Variants in CPA6 observed in about 807,000 individuals in gnomAD.
CPA6 encodes the protein carboxypeptidase A6.
In CPA6, 58 loss-of-function variants were observed where a neutral mutation model predicts 63.3. The ratio of observed to expected loss-of-function variants is 0.92; its 90% CI spans 0.74 to 1.14. CPA6 has a LOEUF of 1.14. Among genes scored for constraint, CPA6 ranks in the 50% most tolerant of loss-of-function variants. CPA6 has a pLI of 0.00. For missense variants in CPA6, 565 were observed against 526.6 expected (o/e 1.07, Z -0.71); for synonymous variants, 185 against 179.0 (o/e 1.03, Z -0.27).
intron 1 of CPA6, among the ~76,000 whole-genome samples, chr8:67,676,188 G>A (rs1816468249): frequency 6.6e-6 from 1 of 152,188 alleles, no homozygotes; most frequent in Admixed American, 6.5e-5. Context: ...GCAGGGAGAT[G>A]GAAGAAGATT....
chr8:67,688,612 C>G (rs1346066477), intron 1 of CPA6, among the ~76,000 whole-genome samples: 3 of 152,144 alleles, frequency 2.0e-5, no homozygotes, highest in African/African-American at 7.2e-5. Context: ...AAAAACAACA[C>G]TTTTGTGACA....
At chr8:67,680,978 G>A (rs1299164933) in intron 1 of CPA6, among the ~76,000 whole-genome samples, 1 of 151,980 alleles carries the variant, frequency 6.6e-6, no homozygotes, top group African/African-American at 2.4e-5. Context: ...AGTTTCAAGA[G>A]TTCTTTATAT....
At chr8:67,539,218 C>T (rs987554614) in intron 2 of CPA6, among the ~76,000 whole-genome samples, 9 of 152,248 alleles carry the variant, frequency 5.9e-5, no homozygotes, top group African/African-American at 2.2e-4. Context: ...CCAGAGTTTA[C>T]TTGTCTGTAA....
rs1425482061 is a variant in CPA6, at chr8:67,557,937, T to A, written c.193-39890A>T. Among the ~76,000 whole-genome samples, 3 of 152,012 alleles carry A rather than the reference T, an allele frequency of 2.0e-5. No homozygotes were observed. The East Asian group carries it at 5.9e-4, about 30-fold the overall frequency. The stretch of plus-strand genomic sequence containing the variant: ...GCAAGAGTGTTTAGATCACACCACA[T>A]CTCTGCTTAAAAACAAGAGTTCTGA... On this transcript the variant is annotated intron_variant, in intron 2 of 10. Coordinates refer to ENST00000297770, the MANE Select transcript of CPA6 (RefSeq NM_020361.5).
chr8:67,604,491 C>T (rs1439308894), intron 2 of CPA6, among the ~76,000 whole-genome samples: 1 of 152,120 alleles, frequency 6.6e-6, no homozygotes, highest in Non-Finnish European at 1.5e-5. Context: ...TTTTTCCCTG[C>T]TTTACGTTTC....
At chr8:67,577,023 C>T (rs1025974486) in intron 2 of CPA6, among the ~76,000 whole-genome samples, 2 of 152,110 alleles carry the variant, frequency 1.3e-5, no homozygotes, top group African/African-American at 4.8e-5. Context: ...GCTACCACAC[C>T]TGGCTAATTT....
At chr8:67,522,307 C>T (rs770743980) in intron 2 of CPA6, among the ~76,000 whole-genome samples, 5 of 152,138 alleles carry the variant, frequency 3.3e-5, no homozygotes, top group Non-Finnish European at 1.5e-5. Flanking sequence ...ACTTCAGGTC[C>T]CCTCTGGTGT....
chr8:67,504,203 T>A (rs959044687), intron 6 of CPA6, among the ~76,000 whole-genome samples: 5 of 152,178 alleles, frequency 3.3e-5, no homozygotes, highest in Non-Finnish European at 7.3e-5. Flanking sequence ...TGAGGCTCTA[T>A]CAGGATCCTA....
At chr8:67,690,118 G>T (rs1023061548) in intron 1 of CPA6, among the ~76,000 whole-genome samples, 1 of 151,934 alleles carries the variant, frequency 6.6e-6, no homozygotes, top group Non-Finnish European at 1.5e-5. Context: ...TTTTTAATAG[G>T]GTTATTTGTT....
Position 67,587,141 on chromosome 8 carries a change from G to T in CPA6, c.192+37035C>A, listed in dbSNP as rs552065632. On this transcript the variant is annotated intron_variant, in intron 2 of 10. Coordinates refer to ENST00000297770, the MANE Select transcript of CPA6 (RefSeq NM_020361.5). ...TGGCTATAAAGAATGTGGATCCGTA[G>T]ATTCCATCAGAGATAGTAAAGGGGG... 1.4e-4 allele frequency among the ~76,000 whole-genome samples: 22 copies of T among 152,356 alleles called. No individual in the cohort carries two copies. The South Asian group carries it at 4.6e-3, about 32-fold the overall frequency.
intron 8 of CPA6, among the ~76,000 whole-genome samples, chr8:67,458,239 C>T (rs1810721676): frequency 6.6e-6 from 1 of 152,136 alleles, no homozygotes. Context: ...CTCTGTTGCC[C>T]AGGTTGGAGT....
At chr8:67,663,586 T>C (rs184745206) in intron 1 of CPA6, among the ~76,000 whole-genome samples, 215 of 152,180 alleles carry the variant, frequency 1.4e-3, no homozygotes, top group African/African-American at 5.0e-3. Flanking sequence ...TGTGTTCTCA[T>C]TGGTCAGCTC....
At chr8:67,692,378 A>G (rs1313096772) in intron 1 of CPA6, among the ~76,000 whole-genome samples, 6 of 150,932 alleles carry the variant, frequency 4.0e-5, no homozygotes, top group Non-Finnish European at 3.0e-5. Context: ...AAACTTGAGT[A>G]TGAGGAAGGC....
intron 2 of CPA6, among the ~76,000 whole-genome samples, chr8:67,529,359 G>A (rs978708111): frequency 6.6e-6 from 1 of 152,148 alleles, no homozygotes; most frequent in African/African-American, 2.4e-5. Context: ...AGGGAGAGAT[G>A]AGAGGTGGGA....
At chr8:67,706,096 A>G (rs1170856709) in intron 1 of CPA6, among the ~76,000 whole-genome samples, 1 of 152,228 alleles carries the variant, frequency 6.6e-6, no homozygotes, top group Non-Finnish European at 1.5e-5. Flanking sequence ...GGTCTGAGTC[A>G]TAAAAAGATT....
At chr8:67,618,016 G>C (rs7813074) in intron 2 of CPA6, among the ~76,000 whole-genome samples, 41,893 of 152,072 alleles carry the variant, frequency 0.28, 5,939 homozygotes, top group African/African-American at 0.34. Context: ...GGGCTCACTT[G>C]ATTAGATCAG....
At chr8:67,619,384 T>A (rs1815028081) in intron 2 of CPA6, among the ~76,000 whole-genome samples, 1 of 152,164 alleles carries the variant, frequency 6.6e-6, no homozygotes, top group Non-Finnish European at 1.5e-5. Context: ...AGGTCAGAAG[T>A]CCCGACATGG....
At chr8:67,610,914 C>T (rs1468751465) in intron 2 of CPA6, among the ~76,000 whole-genome samples, 1 of 151,988 alleles carries the variant, frequency 6.6e-6, no homozygotes, top group East Asian at 1.9e-4. Flanking sequence ...ATAATGCCAA[C>T]CTGTCTTTAA....
intron 1 of CPA6, among the ~76,000 whole-genome samples, chr8:67,742,538 T>C (rs932956325): frequency 1.3e-5 from 2 of 152,182 alleles, no homozygotes; most frequent in African/African-American, 4.8e-5. Flanking sequence ...AACAAATGCA[T>C]AAGGTTGTTC....
Sources: allele counts gnomAD v4.1 joint callset (sites outside exome capture counted in the v4.1 genomes callset), GRCh38; gene constraint gnomAD v4.1.1; transcripts MANE v1.5; gene names NCBI Gene and HGNC (gene_info 2026-07-23, HGNC 2026-07-21).